Variants in INTS9 observed in about 807,000 individuals in gnomAD.
INTS9 encodes integrator complex subunit 9.
In INTS9, 55 loss-of-function variants were observed where a neutral mutation model predicts 79.7. The ratio of observed to expected loss-of-function variants is 0.69; its 90% confidence interval spans 0.56 to 0.86. The LOEUF (loss-of-function observed/expected upper bound fraction) is 0.86, where lower values mean the gene tolerates loss of function less well. Among genes scored for constraint, INTS9 ranks in the 40% least tolerant of loss-of-function variants. The pLI is 0.00. For synonymous variants in INTS9, 319 were observed against 325.2 expected, an observed-to-expected ratio of 0.98 and a Z score of 0.20; for missense variants, 721 against 831.5, an observed-to-expected ratio of 0.87 and a Z score of 1.64.
rs762550139 is a variant in INTS9 at position 28,775,873 on chromosome 8, G to A, written c.1449C>T (p.Ser483=). 2.5e-6 allele frequency: 4 copies of A among 1,610,976 alleles called. No homozygotes were observed. In the African/African-American group the frequency reaches 5.3e-5, roughly 22 times the overall value. ...AGTCGATCATGAGGTCCATCCTGTG[G>A]GACTGGGCTGGGGGCGGCTGAGTGT... ...EQYTQPPPAQ[S]HRMDLMIDCQ... is the part of the protein sequence containing the mutation. The change falls in exon 14 of 17, where the codon TCC becomes TCT. Residue 483 remains serine, a synonymous_variant. Transcript: ENST00000521022.
At position 28,780,053 on chromosome 8, in the gene INTS9, GT is replaced by G. The variant is rs66631307; in HGVS notation, c.1270+769del. Among the ~76,000 whole-genome samples, 90 of 137,132 alleles carry G rather than the reference GT, an allele frequency of 6.6e-4. 1 individual carries two copies. The highest frequency in any genetic ancestry group is 1.9e-3 in the East Asian group (9 of 4,638). The allele number at this position is 137,132 out of a possible 152,430, so 90.0% of individuals were successfully genotyped here. On this transcript the variant is annotated intron_variant, in intron 12 of 16. Coordinates refer to ENST00000521022, the MANE Select transcript of INTS9 (RefSeq NM_018250.4). ...AAGCTGGGCCAGATTTCAAATCAAG[GT>G]TTTTTTTTTTTTTTCTTTTTTCTTC...
intron 5 of INTS9, 129 bp downstream of exon 5, chr8:28,837,508 T>A: frequency 5.9e-5 from 55 of 924,534 alleles, no homozygotes; most frequent in Middle Eastern, 3.6e-4. Context: ...CGCTTACTCC[T>A]GCCTGTTCTT....
chr8:28,853,413 C>CAAAA lies in INTS9; in HGVS notation c.138-3144_138-3141dup, dbSNP rs570960293. On this transcript the variant is annotated intron_variant, in intron 2 of 16. Transcript: ENST00000521022. ...GGGCAAAAAGAGCAAAACTCCATCTCAAAAAAAAAAAAAAGAAAGAAACAA... is the reference window on the plus strand; with the variant it reads ...GGGCAAAAAGAGCAAAACTCCATCTCAAAAAAAAAAAAAAAAAAGAAAGAAACAA... Among the ~76,000 whole-genome samples the CAAAA allele has an allele frequency of 3.0e-3, 266 of 87,382 alleles. 1 individual carries two copies. Among genetic ancestry groups the CAAAA allele is most frequent in the African/African-American group, 9.7e-3 (254 of 26,108 alleles). 57.3% of individuals were successfully genotyped at this position (87,382 alleles called of 152,430 possible). A position where few individuals can be genotyped will look rare whatever the true frequency, so the allele number is the denominator to read the frequency against.
At chr8:28,786,729 T>G (rs140685600) in intron 11 of INTS9, among the ~76,000 whole-genome samples, 597 of 150,890 alleles carry the variant, frequency 4.0e-3, no homozygotes, top group African/African-American at 0.013. Flanking sequence ...TCTTTTTTTC[T>G]TTTTTTGAGA....
intron 10 of INTS9, among the ~76,000 whole-genome samples, chr8:28,792,556 A>C (rs534297221): frequency 6.6e-6 from 1 of 151,968 alleles, no homozygotes; most frequent in East Asian, 1.9e-4. Flanking sequence ...CAAAAACAAA[A>C]AAAAAAATTT....
intron 6 of INTS9, among the ~76,000 whole-genome samples, chr8:28,821,940 T>C (rs1043476308): frequency 1.2e-4 from 19 of 152,100 alleles, no homozygotes; most frequent in African/African-American, 4.3e-4. Context: ...CGGCTCAGTT[T>C]ATTTTTTGTA....
chr8:28,867,350 C>T (rs1318474899), intron 1 of INTS9, among the ~76,000 whole-genome samples: 1 of 151,934 alleles, frequency 6.6e-6, no homozygotes, highest in Non-Finnish European at 1.5e-5. Context: ...ACCCAGGAGG[C>T]GGAGGTTGCA....
At chr8:28,858,816 T>G (rs1267872351) in intron 2 of INTS9, among the ~76,000 whole-genome samples, 2 of 152,262 alleles carry the variant, frequency 1.3e-5, no homozygotes, top group African/African-American at 4.8e-5. Flanking sequence ...TGTCACTTTT[T>G]GCTACTGTAA....
chr8:28,857,730 T>C (rs1808251781), intron 2 of INTS9, among the ~76,000 whole-genome samples: 1 of 152,200 alleles, frequency 6.6e-6, no homozygotes, highest in South Asian at 2.1e-4. Context: ...AGAATAGTTC[T>C]AGGCAGTGGG....
intron 10 of INTS9, among the ~76,000 whole-genome samples, chr8:28,792,308 T>C (rs983560977): frequency 6.6e-6 from 1 of 151,932 alleles, no homozygotes; most frequent in African/African-American, 2.4e-5. Context: ...AAATTCCAGA[T>C]AAAATAGTTA....
chr8:28,876,881 C>T (rs925611532), intron 1 of INTS9, among the ~76,000 whole-genome samples: 2 of 151,694 alleles, frequency 1.3e-5, no homozygotes, highest in African/African-American at 2.4e-5. Context: ...ACAGATTTAA[C>T]AATAAATATC....
At chr8:28,789,927 C>T (rs150784974) in intron 10 of INTS9, among the ~76,000 whole-genome samples, 1 of 152,246 alleles carries the variant, frequency 6.6e-6, no homozygotes, top group Non-Finnish European at 1.5e-5. Flanking sequence ...ACACTCCAAA[C>T]TCCAAAAGAT....
chr8:28,769,836 A>T, intron 16 of INTS9, 53 bp downstream of exon 16: 1 of 1,602,232 alleles, frequency 6.2e-7, no homozygotes, highest in Admixed American at 1.7e-5. Context: ...ATAGTGAGCC[A>T]GGGAAAGGCT....
At chr8:28,862,246 T>G in intron 1 of INTS9, 1 of 977,210 alleles carries the variant, frequency 1.0e-6, no homozygotes, top group Non-Finnish European at 1.2e-6. Flanking sequence ...ATTATGGAAA[T>G]AAAATTATCT....
chr8:28,778,759 G>A (rs112712735), intron 12 of INTS9, among the ~76,000 whole-genome samples: 143 of 152,336 alleles, frequency 9.4e-4, no homozygotes, highest in African/African-American at 3.3e-3. Context: ...TGTGCCCAGC[G>A]ACGAGGGACC....
At chr8:28,793,591 T>A (rs1804031422) in intron 10 of INTS9, 1 of 453,976 alleles carries the variant, frequency 2.2e-6, no homozygotes, top group Non-Finnish European at 3.9e-6. Context: ...AAGGTAAGTC[T>A]CTGCCTTGCA....
At chr8:28,870,026 C>T (rs967214284) in intron 1 of INTS9, among the ~76,000 whole-genome samples, 4 of 151,750 alleles carry the variant, frequency 2.6e-5, no homozygotes, top group South Asian at 2.1e-4. Context: ...TCATTAAGGG[C>T]GAGGGAAGGA....
At chr8:28,824,474 C>T (rs922222772) in intron 6 of INTS9, among the ~76,000 whole-genome samples, 7 of 152,188 alleles carry the variant, frequency 4.6e-5, no homozygotes, top group African/African-American at 1.7e-4. Flanking sequence ...CTGTCTTCTA[C>T]ATTTTGAGTG....
In INTS9 at chr8:28,796,607, C is replaced by T. The variant is rs1363571724; in HGVS notation, c.793G>A (p.Gly265Arg). 1.2e-6 allele frequency: 2 copies of T among 1,613,992 alleles called. No homozygotes were observed. Among genetic ancestry groups the T allele is most frequent in the Non-Finnish European group, 8.5e-7 (1 of 1,179,982 alleles). ...LKNSDVLVLT[G>R]LTQIPTANPD... ...TTTGCAGTGGGGATCTGGGTAAGCC[C>T]TGTCAGAACAAGAACATCGCTGTTT... Residue 265 changes from glycine (G) to arginine (R), a missense_variant, in exon 9 of 17, where the codon GGG (glycine) becomes AGG (arginine). Physicochemically the swap from Gly to Arg is moderately radical, Grantham distance 125 (BLOSUM62 -2). This residue lies in a region of INTS9 where 149 missense variants were observed against 223.7 expected (regional missense o/e 0.67). Coordinates refer to ENST00000521022, the MANE Select transcript of INTS9 (RefSeq NM_018250.4).
Sources: gnomAD v4.1 joint callset for allele counts (sites outside exome capture counted in the v4.1 genomes callset) on GRCh38, gnomAD v4.1.1 for gene constraint, gnomAD v4.1.1 regional missense constraint, MANE v1.5 for transcripts, NCBI Gene and HGNC (gene_info 2026-07-23, HGNC 2026-07-21) for gene names.